YBX1: variants seen among roughly 807,000 people sequenced by gnomAD.
YBX1 encodes the protein Y-box-binding protein 1.
A neutral mutation model predicts 41.4 loss-of-function variants in YBX1; 3 were observed. The observed-to-expected ratio is 0.07, with a 90% CI of 0.03 to 0.19. The LOEUF is 0.19. Ranked by LOEUF, YBX1 falls within the 10% of genes least tolerant of loss-of-function variation. The probability of loss-of-function intolerance (pLI) is 1.00; values close to 1 mark genes in which losing one functional copy is unlikely to be tolerated. For synonymous variants in YBX1, 133 were observed against 165.8 expected, an observed-to-expected ratio of 0.80 and a Z score of 1.52; for missense variants, 274 against 462.8, an observed-to-expected ratio of 0.59 and a Z score of 3.74.
chr1:42,693,605 C>G, intron 3 of YBX1, 82 bp downstream of exon 3: 5 of 1,487,510 alleles, frequency 3.4e-6, no homozygotes, highest in Non-Finnish European at 4.6e-6. Flanking sequence ...GCTTTTGTTC[C>G]TTATAAAAGG....
intron 2 of YBX1, among the ~76,000 whole-genome samples, chr1:42,693,147 G>A (rs1487247738): frequency 1.3e-5 from 2 of 152,196 alleles, no homozygotes. Flanking sequence ...CCATGCTCTA[G>A]AGGTAAGAGG....
At position 42,703,215 on chromosome 1, in the gene YBX1, C is replaced by T. The variant is rs1230345983; in HGVS notation, c.*1266C>T. 2.0e-5 allele frequency among the ~76,000 whole-genome samples: 3 copies of T among 152,124 alleles called. No individual in the cohort carries two copies. The highest frequency in any genetic ancestry group is 2.9e-5 in the Non-Finnish European group (2 of 68,032). ...CTGGGATTACAGGTGTGAGCCACCGCACCTGGCCTCTCTGGCTTTTGTTTT... is the reference window on the plus strand; with the variant it reads ...CTGGGATTACAGGTGTGAGCCACCGTACCTGGCCTCTCTGGCTTTTGTTTT... On this transcript the variant is annotated 3_prime_UTR_variant, in exon 8 of 8. Transcript: ENST00000321358.
chr1:42,697,949 G>T (rs1203541087), intron 6 of YBX1, among the ~76,000 whole-genome samples: 1 of 152,058 alleles, frequency 6.6e-6, no homozygotes, highest in Non-Finnish European at 1.5e-5. Flanking sequence ...TTTCTCTAAG[G>T]GTTTGATATC....
In YBX1 at chr1:42,701,045, G is replaced by A. The variant is rs367927170; in HGVS notation, c.*30G>A. The A allele has an allele frequency of 9.4e-5, 151 of 1,609,010 alleles. No individual in the cohort carries two copies. Among genetic ancestry groups the A allele is most frequent in the Non-Finnish European group, 1.2e-4 (137 of 1,175,930 alleles). On this transcript the variant is annotated splice_region_variant and 3_prime_UTR_variant, in exon 7 of 8. Transcript: ENST00000321358. ...CGGCTTACCATCTCTACCATCATCC[G>A]GGTAAGCAAGCTTGGATGGCCATCC... is the stretch of plus-strand genomic sequence containing the variant.
At chr1:42,691,116 T>C (rs942753843) in intron 2 of YBX1, among the ~76,000 whole-genome samples, 6 of 152,202 alleles carry the variant, frequency 3.9e-5, no homozygotes, top group African/African-American at 1.4e-4. Flanking sequence ...ATCAATACAT[T>C]TAAATCACTG....
At position 42,697,279 on chromosome 1, in the gene YBX1, C is replaced by T; in HGVS notation, c.740+17C>T. On this transcript the variant is annotated intron_variant, in intron 6 of 7. Coordinates refer to ENST00000321358, the MANE Select transcript of YBX1 (RefSeq NM_004559.5). ...ATTCCGCAGGTATGGTCCACGTAAACATGTTTCTATTAAAATTTCCTCAAA... is the reference window on the plus strand; with the variant it reads ...ATTCCGCAGGTATGGTCCACGTAAATATGTTTCTATTAAAATTTCCTCAAA... The T allele has an allele frequency of 6.2e-7, 1 of 1,608,710 alleles. No individual in the cohort carries two copies. The highest frequency in any genetic ancestry group is 8.5e-7 in the Non-Finnish European group (1 of 1,178,378).
rs1366891150 is a variant in YBX1, at chr1:42,696,415, A to G, written c.354+127A>G. 5 of 1,046,484 alleles carry G rather than the reference A, an allele frequency of 4.8e-6. No individual in the cohort carries two copies. Among genetic ancestry groups the G allele is most frequent in the South Asian group, 1.7e-5 (1 of 60,386 alleles). 64.8% of individuals were successfully genotyped at this position (1,046,484 alleles called of 1,614,324 possible). On this transcript the variant is annotated intron_variant, in intron 4 of 7. Transcript: ENST00000321358. The surrounding 1 kb of genome is among the most constrained non-coding windows in gnomAD (Gnocchi z 5.7). ...TGACCTCATGAACACAGGTGCATCA[A>G]GCCTAATGTTCTGGCTGCAGTTAGA...
At chr1:42,684,231 T>TAA (rs750912852) in intron 2 of YBX1, among the ~76,000 whole-genome samples, 2 of 152,270 alleles carry the variant, frequency 1.3e-5, no homozygotes. Flanking sequence ...CTTTAGGACT[T>TAA]ACCCTTCGGG....
At chr1:42,693,614 G>A (rs1650393130) in intron 3 of YBX1, 91 bp downstream of exon 3, 1 of 1,397,212 alleles carries the variant, frequency 7.2e-7, no homozygotes, top group South Asian at 1.2e-5. Flanking sequence ...CCTTATAAAA[G>A]GTTAAGTCCA....
rs868552465 is a variant in YBX1, at chr1:42,702,609, G to T, written c.*660G>T. ...TAAGAAAGACTTGAGTGTAGATTTTGGGTGGGTCCCTTTGGCTGTGAGGCA... is the reference window on the plus strand; with the variant it reads ...TAAGAAAGACTTGAGTGTAGATTTTTGGTGGGTCCCTTTGGCTGTGAGGCA... On this transcript the variant is annotated 3_prime_UTR_variant, in exon 8 of 8. Coordinates refer to ENST00000321358, the MANE Select transcript of YBX1 (RefSeq NM_004559.5). Among the ~76,000 whole-genome samples the T allele has an allele frequency of 6.6e-6, 1 of 151,384 alleles. No individual in the cohort carries two copies. The highest frequency in any genetic ancestry group is 1.5e-5 in the Non-Finnish European group (1 of 67,824).
At chr1:42,685,635 T>A (rs1650176528) in intron 2 of YBX1, among the ~76,000 whole-genome samples, 2 of 152,236 alleles carry the variant, frequency 1.3e-5, no homozygotes, top group African/African-American at 4.8e-5. Context: ...CATAACGTGC[T>A]GTTTTCTGTA....
Position 42,696,515 on chromosome 1 carries a change from C to CCA in YBX1, c.355-126_355-125insAC, listed in dbSNP as rs1570422561. On this transcript the variant is annotated intron_variant, in intron 4 of 7. Transcript: ENST00000321358. The surrounding 1 kb of genome is among the most constrained non-coding windows in gnomAD (Gnocchi z 5.7). ...CACCCCTGGTCACGCAGTTGCGCCC[C>CCA]CCCCCCCTTTTTTTTCCTTAACTTT... is the stretch of plus-strand genomic sequence containing the variant. The CCA allele has an allele frequency of 1.5e-6, 1 of 683,092 alleles. No homozygotes were observed. Among genetic ancestry groups the CCA allele is most frequent in the East Asian group, 3.1e-5 (1 of 32,728 alleles). 42.3% of individuals were successfully genotyped at this position (683,092 alleles called of 1,614,324 possible).
At chr1:42,683,245 C>T (rs1419142646) in intron 1 of YBX1, 158 bp from the exon 2 acceptor site, 2 of 827,588 alleles carry the variant, frequency 2.4e-6, no homozygotes, top group African/African-American at 1.7e-5. Flanking sequence ...TGTGCGGCGG[C>T]GGCGGCGACT....
chr1:42,689,477 G>A (rs565888300), intron 2 of YBX1, among the ~76,000 whole-genome samples: 3 of 152,236 alleles, frequency 2.0e-5, no homozygotes, highest in East Asian at 1.9e-4. Context: ...ATTTAGTTAC[G>A]GATAAATTTA....
Position 42,696,070 on chromosome 1 carries a change from G to T in YBX1, c.265-129G>T. The T allele has an allele frequency of 2.8e-6, 2 of 704,434 alleles. No homozygotes were observed. The highest frequency in any genetic ancestry group is 4.3e-6 in the Non-Finnish European group (2 of 459,914). The allele number at this position is 704,434 out of a possible 1,614,324, so 43.6% of individuals were successfully genotyped here. A position where few individuals can be genotyped will look rare whatever the true frequency, so the allele number is the denominator to read the frequency against. On this transcript the variant is annotated intron_variant, in intron 3 of 7. Coordinates refer to ENST00000321358, the MANE Select transcript of YBX1 (RefSeq NM_004559.5). This position sits in a 1 kb window ranked among gnomAD's most constrained non-coding sequence, Gnocchi z 5.7. ...CCCCGCTTTCCTAAATTTATTGATG[G>T]TTTGGTCTTATTTAAAGCAAATCTT...
intron 6 of YBX1, 59 bp downstream of exon 6, chr1:42,697,321 G>C: frequency 3.3e-6 from 5 of 1,517,316 alleles, no homozygotes; most frequent in Non-Finnish European, 4.5e-6. Context: ...TTAGGACTCA[G>C]CAATATCATG....
At chr1:42,686,481 G>A (rs1650199931) in intron 2 of YBX1, among the ~76,000 whole-genome samples, 1 of 152,036 alleles carries the variant, frequency 6.6e-6, no homozygotes, top group Non-Finnish European at 1.5e-5. Context: ...ATTTAGGTGG[G>A]GTATACTTTT....
chr1:42,697,245 T>C lies in YBX1; in HGVS notation c.723T>C (p.Tyr241=), dbSNP rs767083488. 4 of 1,613,880 alleles carry C rather than the reference T, an allele frequency of 2.5e-6. No homozygotes were observed. Among genetic ancestry groups the C allele is most frequent in the East Asian group, 2.2e-5 (1 of 44,890 alleles). ...TGAGGCAGAATATGTATCGGGGATA[T>C]AGACCACGATTCCGCAGGTATGGTC... ...RPVRQNMYRG[Y]RPRFRRGPPR... Residue 241 remains tyrosine, a synonymous_variant, in exon 6 of 8, where the codon TAT becomes TAC. Transcript: ENST00000321358.
At chr1:42,700,012 A>G (rs1650555157) in intron 6 of YBX1, among the ~76,000 whole-genome samples, 1 of 152,204 alleles carries the variant, frequency 6.6e-6, no homozygotes, top group Non-Finnish European at 1.5e-5. Context: ...AATAAGATGG[A>G]AAGCCTAGTT....
Sources: gnomAD v4.1 joint callset for allele counts (sites outside exome capture counted in the v4.1 genomes callset) on GRCh38, gnomAD v4.1.1 for gene constraint, Gnocchi (gnomAD v3.1) non-coding constraint, MANE v1.5 for transcripts, NCBI Gene and HGNC (gene_info 2026-07-23, HGNC 2026-07-21) for gene names.